DNAH7: variants seen among roughly 807,000 people sequenced by gnomAD.
DNAH7 encodes axonemal beta dynein heavy chain 7.
In DNAH7, 397 loss-of-function variants were observed where a neutral mutation model predicts 444.6. That is an observed-to-expected ratio of 0.89 (90% CI 0.82 to 0.97). The LOEUF is 0.97. Among genes scored for constraint, DNAH7 ranks in the 50% least tolerant of loss-of-function variants. DNAH7 has a pLI of 0.00. For synonymous variants in DNAH7, 1,636 were observed against 1,624.4 expected, an observed-to-expected ratio of 1.01 and a Z score of -0.17; for missense variants, 4,902 against 4,800.8, an observed-to-expected ratio of 1.02 and a Z score of -0.62.
intron 1 of DNAH7, among the ~76,000 whole-genome samples, chr2:196,061,373 G>C (rs1267407006): frequency 6.6e-6 from 1 of 151,932 alleles, no homozygotes; most frequent in Admixed American, 6.6e-5. Flanking sequence ...TCCTATATTT[G>C]ATTTTTGCTC....
At chr2:195,928,044 T>C (rs1187493538) in intron 21 of DNAH7, among the ~76,000 whole-genome samples, 2 of 152,082 alleles carry the variant, frequency 1.3e-5, no homozygotes, top group Admixed American at 1.3e-4. Flanking sequence ...TAGTGCCCAA[T>C]AGTTAGTTTT....
At position 196,058,800 on chromosome 2, in the gene DNAH7, C is replaced by T. The variant is rs150218274; in HGVS notation, c.16-684G>A. 4.1e-3 allele frequency among the ~76,000 whole-genome samples: 621 copies of T among 152,264 alleles called. 1 individual carries two copies. Among genetic ancestry groups the T allele is most frequent in the African/African-American group, 0.014 (593 of 41,546 alleles). ...GATGGAACATAATCCCTATCAAAATCCCAGCTTCCCTTCTTGTAGAAATTA... is the reference window on the plus strand; with the variant it reads ...GATGGAACATAATCCCTATCAAAATTCCAGCTTCCCTTCTTGTAGAAATTA... On this transcript the variant is annotated intron_variant, in intron 1 of 64. Coordinates refer to ENST00000312428, the MANE Select transcript of DNAH7 (RefSeq NM_018897.3).
intron 24 of DNAH7, among the ~76,000 whole-genome samples, 182 bp from the exon 25 acceptor site, chr2:195,910,377 T>C (rs1351679663): frequency 6.6e-6 from 1 of 152,240 alleles, no homozygotes; most frequent in Non-Finnish European, 1.5e-5. Context: ...TATTATATTT[T>C]ATTTCTGAAT....
chr2:195,888,954 C>T lies in DNAH7; in HGVS notation c.5074G>A (p.Asp1692Asn), dbSNP rs746341190. Reference sequence around the variant, plus strand: ...ATCCACACTGCATCTACTGGGCCATCAAAAATTAACCATTTCCTATCTGGA... The same window carrying T: ...ATCCACACTGCATCTACTGGGCCATTAAAAATTAACCATTTCCTATCTGGA... ...VTPDRKWLIF[D>N]GPVDAVWIEN... Residue 1692 changes from aspartate to asparagine, a missense_variant, in exon 32 of 65, where the codon GAT (aspartate) becomes AAT (asparagine). By Grantham distance (23) the Asp-to-Asn change is conservative. Transcript: ENST00000312428. 3.1e-6 allele frequency: 5 copies of T among 1,612,712 alleles called. No homozygotes were observed. The highest frequency in any genetic ancestry group is 8.5e-7 in the Non-Finnish European group (1 of 1,179,594).
Position 195,754,444 on chromosome 2 carries a change from G to A in DNAH7, c.11657C>T (p.Thr3886Ile), listed in dbSNP as rs370023336. Residue 3886 changes from threonine to isoleucine, a missense_variant, in exon 63 of 65, where the codon ACC becomes ATC. Thr to Ile is a moderately conservative substitution (Grantham distance 89). Coordinates refer to ENST00000312428, the MANE Select transcript of DNAH7 (RefSeq NM_018897.3). The stretch of plus-strand genomic sequence containing the variant: ...CCTGGCGTAGTTCTGCTGGGCACCG[G>A]TCAGGAAGGCTTGTGTGAAGAAGAA... ...SGFFFTQAFL[T>I]GAQQNYARKY... 3.7e-6 allele frequency: 6 copies of A among 1,614,120 alleles called. No homozygotes were observed. Among genetic ancestry groups the A allele is most frequent in the Non-Finnish European group, 5.1e-6 (6 of 1,179,988 alleles).
rs1205085053 is a variant in DNAH7 at position 195,875,708 on chromosome 2, C to T, written c.6253G>A (p.Asp2085Asn). ...LKDCSMIKLV[D>N]IQIMCAMGPP... is the part of the protein sequence containing the mutation. ...CCCATAGCACACATGATCTGAATGT[C>T]CACTAGTTTAATCATGGAACAATCT... The change falls in exon 38 of 65, where the codon GAC becomes AAC. Residue 2085 changes from aspartate to asparagine, a missense_variant. Asp to Asn is a conservative substitution (Grantham distance 23). Coordinates refer to ENST00000312428, the MANE Select transcript of DNAH7 (RefSeq NM_018897.3). The T allele has an allele frequency of 8.1e-6, 13 of 1,607,226 alleles. 1 individual carries two copies. The highest frequency in any genetic ancestry group is 1.1e-5 in the Non-Finnish European group (13 of 1,177,588).
intron 2 of DNAH7, among the ~76,000 whole-genome samples, chr2:196,052,858 T>C (rs1333004099): frequency 1.3e-5 from 2 of 152,168 alleles, no homozygotes; most frequent in East Asian, 3.9e-4. Flanking sequence ...ATGGCAGGCT[T>C]TGAGGCTATG....
intron 1 of DNAH7, among the ~76,000 whole-genome samples, chr2:196,064,722 T>A (rs1180793048): frequency 1.3e-5 from 2 of 152,246 alleles, no homozygotes; most frequent in Non-Finnish European, 2.9e-5. Context: ...AACATGCTTT[T>A]TAATATTACA....
intron 24 of DNAH7, among the ~76,000 whole-genome samples, chr2:195,911,640 A>G (rs1057079535): frequency 2.6e-5 from 4 of 152,216 alleles, no homozygotes; most frequent in South Asian, 4.1e-4. Context: ...AAGAATAAGA[A>G]TAACAGGGAC....
At chr2:195,780,999 A>T (rs1695346246) in intron 58 of DNAH7, among the ~76,000 whole-genome samples, 1 of 152,100 alleles carries the variant, frequency 6.6e-6, no homozygotes, top group Non-Finnish European at 1.5e-5. Flanking sequence ...GCTGGAAATT[A>T]TAAGACTTGT....
chr2:195,857,711 C>T lies in DNAH7; in HGVS notation c.8080G>A (p.Val2694Ile). 3 of 1,603,020 alleles carry T rather than the reference C, an allele frequency of 1.9e-6. No homozygotes were observed. Among genetic ancestry groups the T allele is most frequent in the African/African-American group, 1.3e-5 (1 of 74,424 alleles). Residue 2694 changes from valine to isoleucine, a missense_variant, in exon 44 of 65, where the codon GTA becomes ATA. Val to Ile is a conservative substitution (Grantham distance 29, BLOSUM62 3). Coordinates refer to ENST00000312428, the MANE Select transcript of DNAH7 (RefSeq NM_018897.3). Reference protein sequence around the residue: ...DTLTAQDITVVKSMKSPPAGV... With the variant: ...DTLTAQDITVIKSMKSPPAGV... ...GCAGGAGGACTCTTCATGGATTTTACCACTGTAATATCCTTGAAATAACAA... is the reference window on the plus strand; with the variant it reads ...GCAGGAGGACTCTTCATGGATTTTATCACTGTAATATCCTTGAAATAACAA...
At chr2:196,038,666 A>G (rs1607605) in intron 5 of DNAH7, among the ~76,000 whole-genome samples, 73,282 of 151,952 alleles carry the variant, frequency 0.48, 20,331 homozygotes, top group South Asian at 0.64. Context: ...AACCAAAAAC[A>G]GGTTTAGAAT....
chr2:195,850,297 A>G (rs202244010), intron 46 of DNAH7, among the ~76,000 whole-genome samples: 3,852 of 150,844 alleles, frequency 0.026, 147 homozygotes, highest in African/African-American at 0.086. Context: ...AAAAAAAAAA[A>G]GGGGAGAGAG....
In DNAH7 at chr2:196,031,630, T is replaced by C. The variant is rs189517186; in HGVS notation, c.399-3583A>G. Among the ~76,000 whole-genome samples, 5 of 152,260 alleles carry C rather than the reference T, an allele frequency of 3.3e-5. No individual in the cohort carries two copies. In the East Asian group the frequency reaches 7.7e-4, roughly 24 times the overall value. On this transcript the variant is annotated intron_variant, in intron 5 of 64. Coordinates refer to ENST00000312428, the MANE Select transcript of DNAH7 (RefSeq NM_018897.3). ...TAGAAGTTTCTTCCACCAGATACCT[T>C]AAATCATCTCTCTCAAGTTCAAAGT...
intron 12 of DNAH7, among the ~76,000 whole-genome samples, chr2:195,999,440 C>A (rs1027405523): frequency 6.6e-6 from 1 of 152,144 alleles, no homozygotes; most frequent in Non-Finnish European, 1.5e-5. Context: ...CCAAAGGAAT[C>A]AACTTAAACC....
chr2:195,931,221 T>C (rs757536925), intron 21 of DNAH7, among the ~76,000 whole-genome samples: 2 of 152,224 alleles, frequency 1.3e-5, no homozygotes, highest in Non-Finnish European at 2.9e-5. Context: ...TGCATAAATG[T>C]CTTCTTTTGA....
chr2:195,941,020 A>G (rs1011997722), intron 19 of DNAH7, among the ~76,000 whole-genome samples: 1 of 152,024 alleles, frequency 6.6e-6, no homozygotes, highest in Non-Finnish European at 1.5e-5. Context: ...TCCCATTACT[A>G]GGTATATACC....
At chr2:195,960,177 A>G (rs966440034) in intron 18 of DNAH7, 83 bp downstream of exon 18, 14 of 1,160,632 alleles carry the variant, frequency 1.2e-5, no homozygotes, top group Non-Finnish European at 1.7e-5. Flanking sequence ...TTATGTGTGA[A>G]ATAATTCTCA....
chr2:195,926,257 A>G (rs1049330152), intron 22 of DNAH7, among the ~76,000 whole-genome samples, 169 bp downstream of exon 22: 1 of 152,168 alleles, frequency 6.6e-6, no homozygotes, highest in Non-Finnish European at 1.5e-5. Flanking sequence ...AATTTTTCCT[A>G]CATATTTGTT....
Sources: gnomAD v4.1 joint callset for allele counts (sites outside exome capture counted in the v4.1 genomes callset) on GRCh38, gnomAD v4.1.1 for gene constraint, MANE v1.5 for transcripts, NCBI Gene and HGNC (gene_info 2026-07-23, HGNC 2026-07-21) for gene names.